Variants in RAB3GAP1 observed in about 807,000 individuals in gnomAD.
RAB3GAP1 encodes the protein rab3 GTPase-activating protein catalytic subunit.
A neutral mutation model predicts 130.7 loss-of-function variants in RAB3GAP1; 86 were observed. The observed-to-expected ratio is 0.66, with a 90% CI of 0.55 to 0.79. RAB3GAP1 has a LOEUF of 0.79. Among genes scored for constraint, RAB3GAP1 ranks in the 30% least tolerant of loss-of-function variants. The pLI, the probability that RAB3GAP1 is intolerant of heterozygous loss-of-function variation, is 0.00. For missense variants in RAB3GAP1, 1,029 were observed against 1,169.4 expected (o/e 0.88, Z 1.75); for synonymous variants, 367 against 401.7 (o/e 0.91, Z 1.03).
chr2:135,056,267 G>A (rs980732282), intron 2 of RAB3GAP1, among the ~76,000 whole-genome samples: 1 of 151,846 alleles, frequency 6.6e-6, no homozygotes, highest in Non-Finnish European at 1.5e-5. Flanking sequence ...CAGTGGTGCA[G>A]TCTTGGCTCA....
chr2:135,108,469 A>G (rs1574116885), intron 5 of RAB3GAP1, among the ~76,000 whole-genome samples: 1 of 148,268 alleles, frequency 6.7e-6, no homozygotes, highest in African/African-American at 2.5e-5. Context: ...CTTGTTTGCT[A>G]TCTTTATATC....
chr2:135,172,304 G>A (rs1472994457), downstream of RAB3GAP1, among the ~76,000 whole-genome samples: 2 of 151,630 alleles, frequency 1.3e-5, no homozygotes, highest in Non-Finnish European at 2.9e-5. Flanking sequence ...GCATGGTGGT[G>A]CACGCCTGTA....
intron 5 of RAB3GAP1, among the ~76,000 whole-genome samples, chr2:135,102,066 G>A (rs1056797970): frequency 5.3e-5 from 8 of 152,210 alleles, no homozygotes; most frequent in Non-Finnish European, 1.2e-4. Flanking sequence ...TGTGGCAAGA[G>A]GAATTAAGGG....
At chr2:135,166,505 C>T (rs187971077) in intron 23 of RAB3GAP1, among the ~76,000 whole-genome samples, 22 of 152,164 alleles carry the variant, frequency 1.4e-4, no homozygotes, top group Admixed American at 2.0e-4. Context: ...TGCACCACCA[C>T]GCCCAGTTAA....
chr2:135,123,434 CAG>C (rs1322929363), intron 8 of RAB3GAP1, among the ~76,000 whole-genome samples: 1 of 152,080 alleles, frequency 6.6e-6, no homozygotes, highest in Non-Finnish European at 1.5e-5. Flanking sequence ...AGATAAATAT[CAG>C]ATGTGATTTT....
At chr2:135,168,033 A>G (rs934470808) in intron 23 of RAB3GAP1, among the ~76,000 whole-genome samples, 8 of 152,216 alleles carry the variant, frequency 5.3e-5, no homozygotes, top group Non-Finnish European at 1.2e-4. Context: ...ATGGGCCTCT[A>G]TCACTTCGGC....
intron 4 of RAB3GAP1, among the ~76,000 whole-genome samples, chr2:135,091,333 A>G (rs940176462): frequency 1.3e-5 from 2 of 152,160 alleles, no homozygotes; most frequent in African/African-American, 2.4e-5. Context: ...ATATTTATTG[A>G]GTACCTAACA....
chr2:135,175,052 G>GA (rs375345024), downstream of RAB3GAP1, among the ~76,000 whole-genome samples: 667 of 152,268 alleles, frequency 4.4e-3, 6 homozygotes, highest in African/African-American at 0.015. Flanking sequence ...TTACTTTGGG[G>GA]AAAAAAACAC....
intron 17 of RAB3GAP1, among the ~76,000 whole-genome samples, chr2:135,142,094 T>G (rs983269545): frequency 2.0e-5 from 3 of 152,228 alleles, no homozygotes; most frequent in African/African-American, 7.2e-5. Flanking sequence ...TTCAAAATCT[T>G]GCTGGGATTT....
intron 3 of RAB3GAP1, among the ~76,000 whole-genome samples, chr2:135,059,637 T>TA (rs540562387): frequency 1.1e-3 from 174 of 152,320 alleles, no homozygotes; most frequent in Middle Eastern, 3.4e-3. Flanking sequence ...ACATGCAAGT[T>TA]ACTCTCTTTT....
chr2:135,113,031 CTT>C (rs1180036483), intron 5 of RAB3GAP1, 118 bp from the exon 6 acceptor site: 1 of 1,400,174 alleles, frequency 7.1e-7, no homozygotes, highest in Admixed American at 1.7e-5. Flanking sequence ...AAAAGAAACA[CTT>C]TTAGTTTAAA....
At chr2:135,143,375 C>G (rs1437084268) in intron 17 of RAB3GAP1, among the ~76,000 whole-genome samples, 1 of 151,724 alleles carries the variant, frequency 6.6e-6, no homozygotes, top group African/African-American at 2.4e-5. Flanking sequence ...ATGAATCTTT[C>G]CCCTGAAAAA....
chr2:135,081,406 GTA>G (rs1254375691), intron 3 of RAB3GAP1, among the ~76,000 whole-genome samples: 1 of 135,016 alleles, frequency 7.4e-6, no homozygotes, highest in Non-Finnish European at 1.5e-5. Context: ...ATATGTGTGT[GTA>G]TATATATGTG....
At chr2:135,071,504 A>G (rs897632229) in intron 3 of RAB3GAP1, among the ~76,000 whole-genome samples, 2 of 151,914 alleles carry the variant, frequency 1.3e-5, no homozygotes, top group Non-Finnish European at 2.9e-5. Context: ...TGCAGGTAGT[A>G]AAATAATTTA....
chr2:135,066,577 A>G (rs1438920559), intron 3 of RAB3GAP1, among the ~76,000 whole-genome samples: 1 of 152,052 alleles, frequency 6.6e-6, no homozygotes, highest in African/African-American at 2.4e-5. Flanking sequence ...TGTTCTTTCT[A>G]TTTTACTCTG....
At position 135,113,251 on chromosome 2, in the gene RAB3GAP1, G is replaced by A. The variant is rs758378384; in HGVS notation, c.463G>A (p.Ala155Thr). Reference sequence around the variant, plus strand: ...CCTTCTTCTGAGTTCTGTTTCTATTGCCTTGGGAAACACTGGCTGGTGAGT... The same window carrying A: ...CCTTCTTCTGAGTTCTGTTTCTATTACCTTGGGAAACACTGGCTGGTGAGT... Reference protein sequence around the residue: ...CNLLLSSVSIALGNTGCQVPL... With the variant: ...CNLLLSSVSITLGNTGCQVPL... The change falls in exon 6 of 24, where the codon GCC (alanine) becomes ACC (threonine). Residue 155 changes from alanine (A) to threonine (T), a missense_variant. Coordinates refer to ENST00000264158, the MANE Select transcript of RAB3GAP1 (RefSeq NM_012233.3). 4 of 1,613,992 alleles carry A rather than the reference G, an allele frequency of 2.5e-6. No homozygotes were observed. The East Asian group carries it at 8.9e-5, about 36-fold the overall frequency.
intron 7 of RAB3GAP1, among the ~76,000 whole-genome samples, chr2:135,117,859 TCTTTTTTTGTTTGAGACAGAGTCTCA>T (rs1268322564): frequency 6.6e-6 from 1 of 151,084 alleles, no homozygotes; most frequent in Non-Finnish European, 1.5e-5. Flanking sequence ...TTCTTCTTCT[TCTTTTTTTGTTTGAGACAGAGTCTCA>T]CTCTGTCACC....
intron 2 of RAB3GAP1, among the ~76,000 whole-genome samples, chr2:135,055,724 T>C (rs923989439): frequency 5.9e-5 from 9 of 151,734 alleles, no homozygotes; most frequent in Non-Finnish European, 1.3e-4. Flanking sequence ...GTAAAAACTA[T>C]ATTTTAAATA....
chr2:135,132,335 G>A (rs1028188347), intron 13 of RAB3GAP1, among the ~76,000 whole-genome samples: 3 of 151,930 alleles, frequency 2.0e-5, no homozygotes, highest in African/African-American at 7.3e-5. Flanking sequence ...TTGACCACTC[G>A]TACATGTACA....
Sources: allele counts gnomAD v4.1 joint callset (sites outside exome capture counted in the v4.1 genomes callset), GRCh38; gene constraint gnomAD v4.1.1; transcripts MANE v1.5; gene names NCBI Gene and HGNC (gene_info 2026-07-23, HGNC 2026-07-21).